The following PLS3 variants were observed in gnomAD, a reference collection of about 807,000 sequenced individuals.
The protein encoded by PLS3 is plastin 3.
PLS3 carries 11 observed loss-of-function variants against 46.5 expected under a neutral mutation model. The ratio of observed to expected loss-of-function variants is 0.24; its 90% CI spans 0.15 to 0.39. The LOEUF (loss-of-function observed/expected upper bound fraction) is 0.39. Ranked by LOEUF, PLS3 falls within the 10% of genes least tolerant of loss-of-function variation. PLS3 has a pLI of 1.00. For synonymous variants in PLS3, 167 were observed against 162.2 expected, an observed-to-expected ratio of 1.03 and a Z score of -0.22; for missense variants, 308 against 461.8, an observed-to-expected ratio of 0.67 and a Z score of 3.05.
intron 1 of PLS3, among the ~76,000 whole-genome samples, chrX:115,569,935 A>ATTAT (rs2074202334): frequency 9.0e-6 from 1 of 111,268 alleles, no homozygotes; most frequent in African/African-American, 3.3e-5. Flanking sequence ...CTCGCATTTT[A>ATTAT]TTATTTATTT....
chrX:115,561,380 G>A (rs2074133271), intron 1 of PLS3, 120 bp downstream of exon 1: 1 of 111,225 alleles, frequency 9.0e-6, no homozygotes, highest in African/African-American at 3.3e-5. Flanking sequence ...CGCACCGTGG[G>A]GCGGGGGTTG....
At chrX:115,644,583 G>A (rs1416960736) in intron 10 of PLS3, among the ~76,000 whole-genome samples, 1 of 102,071 alleles carries the variant, frequency 9.8e-6, no homozygotes, top group African/African-American at 3.6e-5. Context: ...GGCAACAAGA[G>A]CAAACCTCCA....
At chrX:115,597,689 C>T (rs782545499) in intron 1 of PLS3, among the ~76,000 whole-genome samples, 75 of 111,594 alleles carry the variant, frequency 6.7e-4, no homozygotes, top group African/African-American at 2.2e-3. Flanking sequence ...ATTTTATTTT[C>T]ATTGTATTCT....
At chrX:115,566,630 G>A (rs1185099746) in intron 1 of PLS3, among the ~76,000 whole-genome samples, 1 of 110,292 alleles carries the variant, frequency 9.1e-6, no homozygotes, top group African/African-American at 3.3e-5. Context: ...GCCCGCCTCG[G>A]CCTCCCAAAG....
intron 2 of PLS3, among the ~76,000 whole-genome samples, chrX:115,611,893 C>A (rs2147492878): frequency 9.0e-6 from 1 of 111,311 alleles, no homozygotes; most frequent in South Asian, 3.8e-4. Context: ...AGTTTGACTG[C>A]AAGAAAAGGT....
intron 1 of PLS3, among the ~76,000 whole-genome samples, chrX:115,600,016 T>TA (rs2074427868): frequency 9.0e-6 from 1 of 111,427 alleles, no homozygotes; most frequent in African/African-American, 3.3e-5. Context: ...TATTCCCTAA[T>TA]ACAATTTAGG....
chrX:115,571,664 T>G (rs2074217504), intron 1 of PLS3, among the ~76,000 whole-genome samples: 1 of 111,815 alleles, frequency 8.9e-6, no homozygotes, highest in Admixed American at 9.6e-5. Context: ...CGCTAACAAA[T>G]ACAGCTTAAA....
chrX:115,622,295 C>T lies in PLS3; in HGVS notation c.123C>T (p.Phe41=). ...GTGACTATGAACTTCATGAGCTCTTCAAGGAAGCTAATATGCCATTACCAG... is the reference window on the plus strand; with the variant it reads ...GTGACTATGAACTTCATGAGCTCTTTAAGGAAGCTAATATGCCATTACCAG... ...FICDYELHEL[F]KEANMPLPGY... Residue 41 remains phenylalanine (F), a synonymous_variant, in exon 3 of 16, where the codon TTC becomes TTT. Transcript: ENST00000355899. 1 of 1,191,026 alleles carries T rather than the reference C, an allele frequency of 8.4e-7. No homozygotes were observed. Among genetic ancestry groups the T allele is most frequent in the Non-Finnish European group, 1.1e-6 (1 of 879,105 alleles).
Position 115,622,420 on chromosome X carries a change from G to T in PLS3, c.237+11G>T, listed in dbSNP as rs2074665424. 2.7e-6 allele frequency: 3 copies of T among 1,098,939 alleles called. No homozygotes were observed. In the South Asian group the frequency reaches 5.8e-5, roughly 21 times the overall value. The allele number at this position is 1,098,939 out of a possible 1,213,427, so 90.6% of individuals were successfully genotyped here. On this transcript the variant is annotated intron_variant, in intron 3 of 15. Coordinates refer to ENST00000355899, the MANE Select transcript of PLS3 (RefSeq NM_005032.7). ...GACGAATTTGTTTATGTAAGTATGT[G>T]AAAATTCACAATTATTAGAAGTAGT...
At chrX:115,623,017 C>T (rs1290417625) in intron 3 of PLS3, among the ~76,000 whole-genome samples, 1 of 110,877 alleles carries the variant, frequency 9.0e-6, no homozygotes, top group East Asian at 2.8e-4. Flanking sequence ...AATTCTTTCA[C>T]CCCCCCACCC....
chrX:115,627,309 T>C (rs1178202028), intron 3 of PLS3, among the ~76,000 whole-genome samples: 2 of 112,552 alleles, frequency 1.8e-5, no homozygotes, highest in African/African-American at 6.5e-5. Flanking sequence ...AAATGATTCT[T>C]GAAGCAGAAG....
At chrX:115,621,833 T>A (rs1051898380) in intron 2 of PLS3, among the ~76,000 whole-genome samples, 1 of 112,059 alleles carries the variant, frequency 8.9e-6, no homozygotes, top group African/African-American at 3.2e-5. Flanking sequence ...TCATATAAGT[T>A]CTTTTTGGAG....
chrX:115,638,719 A>AT (rs1391068243), intron 8 of PLS3, among the ~76,000 whole-genome samples: 67 of 89,085 alleles, frequency 7.5e-4, no homozygotes, highest in African/African-American at 1.8e-3. Flanking sequence ...TTTTTTGTTT[A>AT]TTTTTTTTTT....
chrX:115,594,741 T>A (rs1486885872), intron 1 of PLS3, among the ~76,000 whole-genome samples: 1 of 109,787 alleles, frequency 9.1e-6, no homozygotes, highest in African/African-American at 3.3e-5. Context: ...CTCAAACATA[T>A]GTTAATTTTC....
At chrX:115,624,325 A>AT (rs1343554864) in intron 3 of PLS3, 1 of 108,033 alleles carries the variant, frequency 9.3e-6, no homozygotes, top group Non-Finnish European at 1.9e-5. Flanking sequence ...TCCTCCCACC[A>AT]TTTTTTTGTC....
chrX:115,629,010 T>C (rs1180610801), intron 3 of PLS3, among the ~76,000 whole-genome samples, 188 bp from the exon 4 acceptor site: 3 of 111,894 alleles, frequency 2.7e-5, no homozygotes, highest in Non-Finnish European at 3.8e-5. Context: ...GACATTCTGG[T>C]GCTTCATTTT....
chrX:115,646,918 A>T (rs1329323155), intron 13 of PLS3, among the ~76,000 whole-genome samples: 2 of 112,270 alleles, frequency 1.8e-5, no homozygotes, highest in African/African-American at 6.5e-5. Context: ...ATTCATTATG[A>T]CTGGGCACCA....
At chrX:115,631,396 ATTC>A (rs1189396680) in intron 5 of PLS3, among the ~76,000 whole-genome samples, 2 of 109,564 alleles carry the variant, frequency 1.8e-5, no homozygotes, top group Non-Finnish European at 3.8e-5. Flanking sequence ...AGTATACACA[ATTC>A]TTCTTTTTGC....
chrX:115,570,204 G>A (rs2074204150), intron 1 of PLS3, among the ~76,000 whole-genome samples: 1 of 110,458 alleles, frequency 9.1e-6, no homozygotes, highest in African/African-American at 3.3e-5. Context: ...CAAAGTGCTG[G>A]GATTACAGGC....
Sources: gnomAD v4.1 joint callset for allele counts (sites outside exome capture counted in the v4.1 genomes callset) on GRCh38, gnomAD v4.1.1 for gene constraint, MANE v1.5 for transcripts, NCBI Gene and HGNC (gene_info 2026-07-23, HGNC 2026-07-21) for gene names.